NBEA: variants seen among roughly 807,000 people sequenced by gnomAD.
The protein encoded by NBEA is neurobeachin.
NBEA carries 44 observed loss-of-function variants against 343.4 expected under a neutral mutation model. The observed-to-expected ratio is 0.13, with a 90% CI of 0.10 to 0.16. NBEA has a LOEUF of 0.16. NBEA is among the 10% of genes least tolerant of loss of function. NBEA has a pLI of 1.00. For missense variants in NBEA, 2,555 were observed against 3,631.3 expected (o/e 0.70, Z 7.62); for synonymous variants, 1,175 against 1,238.7 (o/e 0.95, Z 1.08).
chr13:35,394,602 G>A (rs2042656601), intron 38 of NBEA, among the ~76,000 whole-genome samples: 1 of 151,826 alleles, frequency 6.6e-6, no homozygotes, highest in East Asian at 1.9e-4. Flanking sequence ...GACATTTCAT[G>A]CATTCTAGAT....
At chr13:35,538,977 G>A (rs2078683388) in intron 41 of NBEA, among the ~76,000 whole-genome samples, 1 of 152,164 alleles carries the variant, frequency 6.6e-6, no homozygotes, top group Non-Finnish European at 1.5e-5. Context: ...AATCACTCTG[G>A]AATGTTTTAA....
chr13:35,494,183 C>G (rs1183694014), intron 41 of NBEA, among the ~76,000 whole-genome samples: 1 of 151,790 alleles, frequency 6.6e-6, no homozygotes, highest in Non-Finnish European at 1.5e-5. Context: ...CTTCAGGGTA[C>G]TAACAGAATT....
chr13:35,146,912 T>C (rs1051643835), intron 18 of NBEA, among the ~76,000 whole-genome samples: 1 of 152,176 alleles, frequency 6.6e-6, no homozygotes, highest in Non-Finnish European at 1.5e-5. Context: ...TTTCTTCTGA[T>C]GTCAGGTGCT....
At chr13:35,057,544 G>A (rs1286885469) in intron 7 of NBEA, among the ~76,000 whole-genome samples, 1 of 152,078 alleles carries the variant, frequency 6.6e-6, no homozygotes, top group African/African-American at 2.4e-5. Flanking sequence ...TATAGAAAAC[G>A]TTACTTTTCT....
chr13:35,169,226 A>G (rs2070276264), intron 25 of NBEA, among the ~76,000 whole-genome samples: 1 of 151,610 alleles, frequency 6.6e-6, no homozygotes, highest in South Asian at 2.1e-4. Flanking sequence ...TATTGAACAC[A>G]ATGGTGTTAC....
intron 38 of NBEA, among the ~76,000 whole-genome samples, chr13:35,401,785 G>GA (rs202116964): frequency 0.033 from 5,040 of 152,004 alleles, 114 homozygotes; most frequent in Non-Finnish European, 0.045. Flanking sequence ...TTTAGAATTA[G>GA]AAAAAAACTT....
At chr13:35,103,907 G>A (rs558507224) in intron 11 of NBEA, among the ~76,000 whole-genome samples, 1 of 151,756 alleles carries the variant, frequency 6.6e-6, no homozygotes, top group African/African-American at 2.4e-5. Context: ...TTCAAACCAT[G>A]ATCATCCTTC....
At chr13:35,153,041 T>G (rs2068898023) in intron 18 of NBEA, among the ~76,000 whole-genome samples, 1 of 146,354 alleles carries the variant, frequency 6.8e-6, no homozygotes, top group African/African-American at 2.5e-5. Flanking sequence ...AGGTTCTTTT[T>G]TTTTTTTTTT....
intron 1 of NBEA, among the ~76,000 whole-genome samples, chr13:34,982,674 C>G (rs1216665959): frequency 6.6e-6 from 1 of 152,130 alleles, no homozygotes; most frequent in African/African-American, 2.4e-5. Context: ...TTTATTGAGA[C>G]TCGTCTTATG....
intron 47 of NBEA, among the ~76,000 whole-genome samples, chr13:35,599,259 A>G (rs915684578): frequency 6.6e-6 from 1 of 152,142 alleles, no homozygotes; most frequent in Non-Finnish European, 1.5e-5. Flanking sequence ...TTAGCACTCC[A>G]CTTTGAGGAT....
intron 41 of NBEA, among the ~76,000 whole-genome samples, chr13:35,482,136 G>A (rs1220441689): frequency 2.0e-5 from 3 of 151,188 alleles, no homozygotes; most frequent in African/African-American, 7.3e-5. Context: ...TTTTTAATGA[G>A]CAAAGTAATT....
At chr13:35,340,902 T>C (rs1008037888) in intron 36 of NBEA, among the ~76,000 whole-genome samples, 3 of 43,216 alleles carry the variant, frequency 6.9e-5, no homozygotes, top group African/African-American at 1.7e-4. Flanking sequence ...AAGCTGATTC[T>C]AAAATATGGA....
intron 38 of NBEA, among the ~76,000 whole-genome samples, chr13:35,400,417 T>C (rs1464010383): frequency 1.3e-5 from 2 of 151,938 alleles, no homozygotes; most frequent in South Asian, 2.1e-4. Flanking sequence ...TGGCTCACAT[T>C]TGTTACTCAG....
intron 38 of NBEA, among the ~76,000 whole-genome samples, chr13:35,392,337 G>A (rs1271036288): frequency 6.6e-6 from 1 of 152,042 alleles, no homozygotes; most frequent in Non-Finnish European, 1.5e-5. Context: ...CAAAAAGGGA[G>A]AAGAGTTTTA....
chr13:35,005,158 A>G (rs1369882934), intron 1 of NBEA, among the ~76,000 whole-genome samples: 2 of 151,642 alleles, frequency 1.3e-5, no homozygotes, highest in African/African-American at 4.8e-5. Flanking sequence ...CTATCTTTTC[A>G]GGGATTTTGG....
At chr13:35,245,896 T>C (rs2031113876) in intron 34 of NBEA, among the ~76,000 whole-genome samples, 1 of 152,194 alleles carries the variant, frequency 6.6e-6, no homozygotes, top group Admixed American at 6.5e-5. Context: ...AACTTTTAGA[T>C]TTCTCTTCTT....
intron 44 of NBEA, among the ~76,000 whole-genome samples, chr13:35,560,465 A>G (rs528542747): frequency 1.3e-5 from 2 of 152,340 alleles, no homozygotes; most frequent in East Asian, 3.9e-4. Flanking sequence ...TCTTTAATGT[A>G]GAAGCTGGCA....
chr13:35,301,421 G>A (rs895311512), intron 35 of NBEA, among the ~76,000 whole-genome samples: 1 of 151,792 alleles, frequency 6.6e-6, no homozygotes, highest in Non-Finnish European at 1.5e-5. Flanking sequence ...TCCCACTTAT[G>A]AGTGAGAACA....
At chr13:35,501,121 A>C (rs542195981) in intron 41 of NBEA, among the ~76,000 whole-genome samples, 2 of 152,074 alleles carry the variant, frequency 1.3e-5, no homozygotes, top group East Asian at 3.9e-4. Context: ...TTCCTTTCTT[A>C]CCTCCTCAAC....
Sources: allele counts gnomAD v4.1 joint callset (sites outside exome capture counted in the v4.1 genomes callset), GRCh38; gene constraint gnomAD v4.1.1; transcripts MANE v1.5; gene names NCBI Gene and HGNC (gene_info 2026-07-23, HGNC 2026-07-21).